The following KMT5B variants were observed in gnomAD, a reference collection of about 807,000 sequenced individuals.
KMT5B encodes the protein histone-lysine N-methyltransferase KMT5B.
A neutral mutation model predicts 83.2 loss-of-function variants in KMT5B; 10 were observed. The observed-to-expected ratio is 0.12, with a 90% CI of 0.07 to 0.20. The LOEUF is 0.20. Among genes scored for constraint, KMT5B ranks in the 10% least tolerant of loss-of-function variants. The pLI is 1.00. For synonymous variants in KMT5B, 349 were observed against 388.8 expected, an observed-to-expected ratio of 0.90 and a Z score of 1.20; for missense variants, 753 against 1,067.2, an observed-to-expected ratio of 0.71 and a Z score of 4.10.
rs762398759 is a variant in KMT5B at position 68,201,569 on chromosome 11, AAACT to A, written c.-76-11421_-76-11418del. ...ATTTTTTGCTTAATATCCTAAAAACAAACTAAGATTAAAAAAAAAATCTGTCAAA... is the reference window on the plus strand; with the variant it reads ...ATTTTTTGCTTAATATCCTAAAAACAAAGATTAAAAAAAAAATCTGTCAAA... On this transcript the variant is annotated intron_variant, in intron 1 of 10. Transcript: ENST00000304363. Among the ~76,000 whole-genome samples, 45 of 152,100 alleles carry A rather than the reference AAACT, an allele frequency of 3.0e-4. 1 individual carries two copies. The highest frequency in any genetic ancestry group is 7.7e-4 in the East Asian group (4 of 5,202).
intron 1 of KMT5B, among the ~76,000 whole-genome samples, chr11:68,192,584 C>A (rs1409003209): frequency 6.6e-6 from 1 of 152,170 alleles, no homozygotes; most frequent in Admixed American, 6.6e-5. Context: ...ATGCTCTGAA[C>A]TGGGTGAGTA....
At position 68,165,776 on chromosome 11, in the gene KMT5B, T is replaced by C. The variant is rs1030953812; in HGVS notation, c.1174+1206A>G. The C allele has an allele frequency of 1.2e-5, 18 of 1,524,472 alleles. No homozygotes were observed. In the African/African-American group the frequency reaches 2.3e-4, roughly 20 times the overall value. The allele number at this position is 1,524,472 out of a possible 1,614,324, so 94.4% of individuals were successfully genotyped here. ...AGTCAACAGTTAATGATTGACTAAC[T>C]CTTGTTGTTCACTCTGGACATTAAC... On this transcript the variant is annotated intron_variant, in intron 10 of 10. Coordinates refer to ENST00000304363, the MANE Select transcript of KMT5B (RefSeq NM_017635.5).
At chr11:68,181,443 A>G (rs1276678015) in intron 3 of KMT5B, among the ~76,000 whole-genome samples, 3 of 152,226 alleles carry the variant, frequency 2.0e-5, no homozygotes, top group Non-Finnish European at 4.4e-5. Context: ...GGAAAAGAGT[A>G]TAAAAAAGAG....
intron 10 of KMT5B, among the ~76,000 whole-genome samples, chr11:68,162,221 C>T (rs1045480197): frequency 6.6e-6 from 1 of 152,234 alleles, no homozygotes; most frequent in Non-Finnish European, 1.5e-5. Context: ...TTTACCACCA[C>T]ATAGCCAGGA....
chr11:68,204,545 G>A (rs979437328), intron 1 of KMT5B, among the ~76,000 whole-genome samples: 6 of 150,896 alleles, frequency 4.0e-5, no homozygotes, highest in Non-Finnish European at 5.9e-5. Flanking sequence ...CCAACGCCTT[G>A]ACTTTGGCCC....
chr11:68,190,795 C>A (rs1170361551), intron 1 of KMT5B, among the ~76,000 whole-genome samples: 1 of 152,106 alleles, frequency 6.6e-6, no homozygotes, highest in Non-Finnish European at 1.5e-5. Flanking sequence ...CCAGCCTGGG[C>A]AACATGGCAA....
chr11:68,210,097 G>C (rs1461591928), intron 1 of KMT5B, among the ~76,000 whole-genome samples: 1 of 152,152 alleles, frequency 6.6e-6, no homozygotes, highest in South Asian at 2.1e-4. Flanking sequence ...CACCCGCCTC[G>C]GCCTCCCAAA....
intron 10 of KMT5B, chr11:68,164,554 C>G (rs1293857322): frequency 8.9e-6 from 4 of 447,714 alleles, no homozygotes; most frequent in Non-Finnish European, 1.8e-5. Context: ...CATGACTTAA[C>G]ATACAATGGT....
intron 1 of KMT5B, among the ~76,000 whole-genome samples, chr11:68,198,442 CAAGACAAGACA>C (rs1343546099): frequency 1.8e-3 from 2 of 1,104 alleles, no homozygotes; most frequent in Admixed American, 0.018. Flanking sequence ...GGAAAAAAGA[CAAGACAAGACA>C]AGACAAGACA....
intron 1 of KMT5B, among the ~76,000 whole-genome samples, chr11:68,208,449 T>C (rs1860456296): frequency 6.6e-6 from 1 of 151,084 alleles, no homozygotes; most frequent in South Asian, 2.1e-4. Context: ...TGAGACTCTG[T>C]CTCCAAACAA....
At chr11:68,211,823 G>A (rs1054541509) in intron 1 of KMT5B, among the ~76,000 whole-genome samples, 14 of 152,206 alleles carry the variant, frequency 9.2e-5, no homozygotes, top group African/African-American at 3.1e-4. Flanking sequence ...GGACCAGAAT[G>A]TCGAATGTTT....
intron 10 of KMT5B, among the ~76,000 whole-genome samples, chr11:68,160,188 G>C (rs553509617): frequency 6.6e-6 from 1 of 152,252 alleles, no homozygotes; most frequent in South Asian, 2.1e-4. Flanking sequence ...TCGAATAGAC[G>C]TGCTGTCAAT....
At position 68,171,772 on chromosome 11, in the gene KMT5B, A is replaced by G; in HGVS notation, c.654-63T>C. On this transcript the variant is annotated intron_variant, in intron 6 of 10. Coordinates refer to ENST00000304363, the MANE Select transcript of KMT5B (RefSeq NM_017635.5). The surrounding 1 kb of genome is among the most constrained non-coding windows in gnomAD (Gnocchi z 5.1). ...ATTAAATATAGTAAGGCTTCTTTTA[A>G]TAAAATAATCCTGACAATAAATATC... 1 of 1,294,774 alleles carries G rather than the reference A, an allele frequency of 7.7e-7. No individual in the cohort carries two copies. Among genetic ancestry groups the G allele is most frequent in the East Asian group, 2.4e-5 (1 of 41,230 alleles). The allele number at this position is 1,294,774 out of a possible 1,614,324, so 80.2% of individuals were successfully genotyped here. A position where few individuals can be genotyped will look rare whatever the true frequency, so the allele number is the denominator to read the frequency against.
At chr11:68,189,722 C>A (rs1349057510) in intron 2 of KMT5B, 195 bp downstream of exon 2, 2 of 419,926 alleles carry the variant, frequency 4.8e-6, no homozygotes, top group Non-Finnish European at 8.3e-6. Context: ...TTATATGAAG[C>A]ATTAAACTTG....
Position 68,157,858 on chromosome 11 carries a change from A to G in KMT5B, c.2488T>C (p.Ser830Pro). 6.2e-7 allele frequency: 1 copy of G among 1,614,076 alleles called. No homozygotes were observed. The highest frequency in any genetic ancestry group is 8.5e-7 in the Non-Finnish European group (1 of 1,179,990). ...QYEEESTDDS[S>P]SSEGDEEEDD... ...TCCTCTTCATCGCCCTCAGAAGAGG[A>G]GGAATCATCTGTACTTTCTTCCTCA... The change falls in exon 11 of 11, where the codon TCC (serine) becomes CCC (proline). Residue 830 changes from serine (S) to proline (P), a missense_variant. Physicochemically the swap from Ser to Pro is moderately conservative, Grantham distance 74. This residue lies in a region of KMT5B where 161 missense variants were observed against 195.1 expected (regional missense o/e 0.83). Coordinates refer to ENST00000304363, the MANE Select transcript of KMT5B (RefSeq NM_017635.5).
intron 3 of KMT5B, among the ~76,000 whole-genome samples, chr11:68,181,894 C>T (rs566126651): frequency 6.6e-6 from 1 of 152,352 alleles, no homozygotes; most frequent in East Asian, 1.9e-4. Flanking sequence ...GGCAGGCCGT[C>T]CCCTGCACTC....
chr11:68,171,179 C>T lies in KMT5B; in HGVS notation c.841-28G>A. 2 of 1,608,416 alleles carry T rather than the reference C, an allele frequency of 1.2e-6. No homozygotes were observed. The highest frequency in any genetic ancestry group is 8.5e-7 in the Non-Finnish European group (1 of 1,178,894). On this transcript the variant is annotated intron_variant, in intron 8 of 10. Coordinates refer to ENST00000304363, the MANE Select transcript of KMT5B (RefSeq NM_017635.5). This position sits in a 1 kb window ranked among gnomAD's most constrained non-coding sequence, Gnocchi z 5.1. ...AAAATAAAAGTAACTCAGTAAGAAA[C>T]TCACACCTGAAGCAAAAACAAAATA... is the stretch of plus-strand genomic sequence containing the variant.
intron 1 of KMT5B, among the ~76,000 whole-genome samples, chr11:68,198,811 C>G (rs80059678): frequency 0.099 from 15,133 of 152,164 alleles, 817 homozygotes; most frequent in East Asian, 0.23. Context: ...CTCACTGCAA[C>G]CTCCGCTTCC....
intron 2 of KMT5B, chr11:68,189,569 C>G (rs936227750): frequency 2.2e-4 from 37 of 168,222 alleles, no homozygotes; most frequent in Admixed American, 6.3e-5. Context: ...GAAGTACATA[C>G]CTATACTTAC....
Sources: allele counts gnomAD v4.1 joint callset (sites outside exome capture counted in the v4.1 genomes callset), GRCh38; gene constraint gnomAD v4.1.1; regional missense constraint gnomAD v4.1.1; non-coding constraint Gnocchi (gnomAD v3.1); transcripts MANE v1.5; gene names NCBI Gene and HGNC (gene_info 2026-07-23, HGNC 2026-07-21).